Variants in FAT1 observed in about 807,000 individuals in gnomAD.
FAT1 encodes the protein FAT atypical cadherin 1, also known as protocadherin Fat 1.
In FAT1, 171 loss-of-function variants were observed where a neutral mutation model predicts 329.8. The observed-to-expected ratio is 0.52, with a 90% CI of 0.46 to 0.59. The LOEUF (loss-of-function observed/expected upper bound fraction) is 0.59. Among genes scored for constraint, FAT1 ranks in the 20% least tolerant of loss-of-function variants. The pLI is 0.00. For synonymous variants in FAT1, 2,233 were observed against 2,228.6 expected (o/e 1.00, Z -0.06); for missense variants, 5,672 against 5,774.4 (o/e 0.98, Z 0.57).
chr4:186,604,463 C>T lies in FAT1; in HGVS notation c.10462G>A (p.Ala3488Thr), dbSNP rs757204404. ...FTIVTGNDEKAFEVNPQGVLL... is the reference protein window; with the variant it reads ...FTIVTGNDEKTFEVNPQGVLL... ...ACTCCTTGCGGGTTAACTTCAAAAGCCTTCTCATCATTTCCAGTTACAATA... is the reference window on the plus strand; with the variant it reads ...ACTCCTTGCGGGTTAACTTCAAAAGTCTTCTCATCATTTCCAGTTACAATA... Residue 3488 changes from alanine to threonine, a missense_variant, in exon 18 of 27, where the codon GCT becomes ACT. By Grantham distance (58) the Ala-to-Thr change is moderately conservative. Coordinates refer to ENST00000441802, the MANE Select transcript of FAT1 (RefSeq NM_005245.4). 1.2e-6 allele frequency: 2 copies of T among 1,613,952 alleles called. No individual in the cohort carries two copies. The highest frequency in any genetic ancestry group is 1.7e-6 in the Non-Finnish European group (2 of 1,179,852).
At position 186,620,079 on chromosome 4, in the gene FAT1, G is replaced by A. The variant is rs370621726; in HGVS notation, c.6507C>T (p.Ile2169=). The stretch of plus-strand genomic sequence containing the variant: ...CTTTATTCATGACAGTGATCGGAAC[G>A]ATAACTTCCGCTGAAAAGGCCGGGT... The part of the protein sequence containing the change: ...GGNPAFSAEV[I]VPITVMNKAM... Residue 2169 remains isoleucine, a synonymous_variant, in exon 10 of 27, where the codon ATC becomes ATT. Coordinates refer to ENST00000441802, the MANE Select transcript of FAT1 (RefSeq NM_005245.4). 40 of 1,613,998 alleles carry A rather than the reference G, an allele frequency of 2.5e-5. No homozygotes were observed. Among genetic ancestry groups the A allele is most frequent in the African/African-American group, 1.2e-4 (9 of 75,034 alleles).
At chr4:186,698,825 GA>G (rs1744160874) in intron 2 of FAT1, among the ~76,000 whole-genome samples, 13 of 152,098 alleles carry the variant, frequency 8.5e-5, no homozygotes, top group Admixed American at 8.5e-4. Flanking sequence ...TTCCGTGACA[GA>G]TGAACACCTC....
chr4:186,628,020 G>A, intron 9 of FAT1, 134 bp downstream of exon 9: 4 of 921,868 alleles, frequency 4.3e-6, no homozygotes, highest in Non-Finnish European at 6.4e-6. Flanking sequence ...ATGTAAAATT[G>A]TATCTAGAGA....
intron 2 of FAT1, among the ~76,000 whole-genome samples, chr4:186,688,174 C>G (rs1195044811): frequency 6.8e-6 from 1 of 146,002 alleles, no homozygotes; most frequent in East Asian, 2.0e-4. Flanking sequence ...CTTTTCATGA[C>G]CTTAAATGGG....
intron 9 of FAT1, among the ~76,000 whole-genome samples, chr4:186,622,339 A>G (rs1416176211): frequency 1.3e-5 from 2 of 152,218 alleles, no homozygotes; most frequent in African/African-American, 4.8e-5. Flanking sequence ...TTTCAGGTCA[A>G]CTTATCCTCT....
At chr4:186,684,015 C>G (rs964562598) in intron 2 of FAT1, among the ~76,000 whole-genome samples, 9 of 151,976 alleles carry the variant, frequency 5.9e-5, no homozygotes, top group Non-Finnish European at 1.2e-4. Context: ...AGCCAACACA[C>G]AGGCATTACA....
chr4:186,613,318 A>C lies in FAT1; in HGVS notation c.9254T>G (p.Leu3085Arg). ...ATAAACAGCTTGCTCCTCACGATCA[A>C]GGGGGGTTGACGTTTTCAGTTCACC... ...DTGELKTSTP[L>R]DREEQAVYHL... Residue 3085 changes from leucine to arginine, a missense_variant, in exon 13 of 27, where the codon CTT becomes CGT. By Grantham distance (102) the Leu-to-Arg change is moderately radical (BLOSUM62 -2). Around this residue, in one of 2 missense-constraint regions of FAT1, gnomAD observed 3,966 missense variants for 3,915.2 expected, o/e 1.01. Coordinates refer to ENST00000441802, the MANE Select transcript of FAT1 (RefSeq NM_005245.4). The C allele has an allele frequency of 6.2e-7, 1 of 1,613,980 alleles. No individual in the cohort carries two copies. The highest frequency in any genetic ancestry group is 8.5e-7 in the Non-Finnish European group (1 of 1,179,848).
At chr4:186,652,629 A>G (rs1741718412) in intron 3 of FAT1, among the ~76,000 whole-genome samples, 2 of 152,222 alleles carry the variant, frequency 1.3e-5, no homozygotes, top group Non-Finnish European at 2.9e-5. Context: ...GACTGCAAAT[A>G]GGTAATTTTT....
chr4:186,672,840 A>C (rs539511788), intron 2 of FAT1, among the ~76,000 whole-genome samples: 2 of 152,158 alleles, frequency 1.3e-5, no homozygotes, highest in Non-Finnish European at 2.9e-5. Context: ...GGGCAACTGA[A>C]CACAACCTGC....
Position 186,588,102 on chromosome 4 carries a change from A to G in FAT1, c.*490T>C, listed in dbSNP as rs1738040355. ...AACAAAATGTCACACTTCAGTGGAA[A>G]AAGACAGAATGAAACCCTGGTTATA... is the stretch of plus-strand genomic sequence containing the variant. On this transcript the variant is annotated 3_prime_UTR_variant, in exon 27 of 27. Coordinates refer to ENST00000441802, the MANE Select transcript of FAT1 (RefSeq NM_005245.4). 4.5e-6 allele frequency: 1 copy of G among 221,630 alleles called. No individual in the cohort carries two copies. The highest frequency in any genetic ancestry group is 2.3e-5 in the African/African-American group (1 of 43,608). 13.7% of individuals were successfully genotyped at this position (221,630 alleles called of 1,614,324 possible).
rs2126706851 is a variant in FAT1 at position 186,709,803 on chromosome 4, G to A, written c.25C>T (p.Leu9=). 6.2e-7 allele frequency: 1 copy of A among 1,606,614 alleles called. No individual in the cohort carries two copies. Among genetic ancestry groups the A allele is most frequent in the South Asian group, 1.1e-5 (1 of 89,898 alleles). MGRHLALL[L]LLLLLFQHFG... ...TGTTGGAAGAGAAGGAGCAGAAGCA[G>A]GAGCAAAGCCAAATGTCTCCCCATT... The change falls in exon 2 of 27, where the codon CTG becomes TTG. Residue 9 remains leucine, a synonymous_variant. Coordinates refer to ENST00000441802, the MANE Select transcript of FAT1 (RefSeq NM_005245.4).
intron 2 of FAT1, among the ~76,000 whole-genome samples, chr4:186,671,096 T>C (rs1235202868): frequency 6.6e-6 from 1 of 152,216 alleles, no homozygotes; most frequent in Admixed American, 6.5e-5. Context: ...GAGCTCATAA[T>C]ATGTAGATTG....
Position 186,706,171 on chromosome 4 carries a change from G to C in FAT1, c.3265+392C>G, listed in dbSNP as rs138877449. On this transcript the variant is annotated intron_variant, in intron 2 of 26. Transcript: ENST00000441802. ...GGCACGCCAGATGGTAGCAGTAGTTGTTCTAAGTATGAGCCTGCAAATACA... is the reference window on the plus strand; with the variant it reads ...GGCACGCCAGATGGTAGCAGTAGTTCTTCTAAGTATGAGCCTGCAAATACA... Among the ~76,000 whole-genome samples the C allele has an allele frequency of 4.9e-4, 74 of 152,314 alleles. 1 individual carries two copies. The highest frequency in any genetic ancestry group is 1.7e-3 in the African/African-American group (72 of 41,576).
At chr4:186,698,384 C>T (rs937704019) in intron 2 of FAT1, among the ~76,000 whole-genome samples, 1 of 152,168 alleles carries the variant, frequency 6.6e-6, no homozygotes, top group Non-Finnish European at 1.5e-5. Context: ...GCATTGAGTG[C>T]CTGTTATATA....
chr4:186,684,172 T>A (rs571351160), intron 2 of FAT1, among the ~76,000 whole-genome samples: 1 of 152,358 alleles, frequency 6.6e-6, no homozygotes, highest in African/African-American at 2.4e-5. Context: ...AATTCTTCAT[T>A]ACATAGGAGT....
At chr4:186,711,785 T>C (rs962923715) in intron 1 of FAT1, among the ~76,000 whole-genome samples, 4 of 152,110 alleles carry the variant, frequency 2.6e-5, no homozygotes, top group Non-Finnish European at 4.4e-5. Context: ...CAGGATATGG[T>C]GGAGCAAGCC....
chr4:186,620,420 CCT>C lies in FAT1; in HGVS notation c.6164_6165del (p.Glu2055GlyfsTer3). Reference sequence around the variant, plus strand: ...TGGGCCACTGCAGAAGGCTTATGTTCCTCTGTCACTTCTACAACCACATCAAA... The same window carrying C: ...TGGGCCACTGCAGAAGGCTTATGTTCCTGTCACTTCTACAACCACATCAAA... Reference protein sequence around the residue: ...EAFDVVVEVTEEHKPSAVAHV... With the variant: ...EAFDVVVEVTXEHKPSAVAHV... On this transcript the variant is annotated frameshift_variant, in exon 10 of 27. Coordinates refer to ENST00000441802, the MANE Select transcript of FAT1 (RefSeq NM_005245.4). LOFTEE classifies it high-confidence loss of function. 6.2e-7 allele frequency: 1 copy of C among 1,614,030 alleles called. No homozygotes were observed. Among genetic ancestry groups the C allele is most frequent in the Non-Finnish European group, 8.5e-7 (1 of 1,179,902 alleles).
intron 2 of FAT1, among the ~76,000 whole-genome samples, chr4:186,675,207 T>A (rs1173537715): frequency 6.6e-6 from 1 of 151,962 alleles, no homozygotes; most frequent in Admixed American, 6.6e-5. Flanking sequence ...GGGTGGCAGA[T>A]GTAGAGCTCT....
rs1047052112 is a variant in FAT1 at position 186,618,422 on chromosome 4, T to C, written c.8164A>G (p.Ile2722Val). The stretch of plus-strand genomic sequence containing the variant: ...CTATGTTCTGCTCGGATGAGATCTA[T>C]CTCTGTTCCAATAGGCACGTCCTCT... The part of the protein sequence containing the change: ...VSEDVPIGTE[I>V]DLIRAEHSGT... The change falls in exon 10 of 27, where the codon ATA (isoleucine) becomes GTA (valine). Residue 2722 changes from isoleucine (I) to valine (V), a missense_variant. Physicochemically the swap from Ile to Val is conservative, Grantham distance 29 (BLOSUM62 3). Coordinates refer to ENST00000441802, the MANE Select transcript of FAT1 (RefSeq NM_005245.4). 2.5e-6 allele frequency: 4 copies of C among 1,614,050 alleles called. No individual in the cohort carries two copies. Among genetic ancestry groups the C allele is most frequent in the Non-Finnish European group, 3.4e-6 (4 of 1,179,900 alleles).
Sources: allele counts gnomAD v4.1 joint callset (sites outside exome capture counted in the v4.1 genomes callset), GRCh38; gene constraint gnomAD v4.1.1; regional missense constraint gnomAD v4.1.1; transcripts MANE v1.5; gene names NCBI Gene and HGNC (gene_info 2026-07-23, HGNC 2026-07-21).